LIPC: variants seen among roughly 807,000 people sequenced by gnomAD.
LIPC encodes the protein lipase C, hepatic type, also known as hepatic triacylglycerol lipase.
A neutral mutation model predicts 50.7 loss-of-function variants in LIPC; 44 were observed. The ratio of observed to expected loss-of-function variants is 0.87; its 90% CI spans 0.68 to 1.11. The LOEUF is 1.11. Ranked by LOEUF, LIPC falls within the 50% of genes most tolerant of loss-of-function variation. The pLI is 0.00. For synonymous variants in LIPC, 271 were observed against 256.4 expected, an observed-to-expected ratio of 1.06 and a Z score of -0.54; for missense variants, 697 against 648.2, an observed-to-expected ratio of 1.08 and a Z score of -0.82.
At position 58,561,108 on chromosome 15, in the gene LIPC, C is replaced by G. The variant is rs4774305; in HGVS notation, c.1169+127C>G. On this transcript the variant is annotated intron_variant, in intron 7 of 8. Coordinates refer to ENST00000299022, the MANE Select transcript of LIPC (RefSeq NM_000236.3). The stretch of plus-strand genomic sequence containing the variant: ...CTTTATTCCAGACGCAAACCAAAAA[C>G]TATCTGAGACACATGTCAATCAATT... 0.97 allele frequency: 706,510 copies of G among 730,008 alleles called. 342,491 individuals carry two copies. The highest frequency in any genetic ancestry group is 0.99 in the Middle Eastern group (4,113 of 4,168). The allele number at this position is 730,008 out of a possible 1,614,324, so 45.2% of individuals were successfully genotyped here. A position where few individuals can be genotyped will look rare whatever the true frequency, so the allele number is the denominator to read the frequency against.
chr15:58,490,062 A>C (rs1015583212), intron 1 of LIPC, among the ~76,000 whole-genome samples: 3 of 152,176 alleles, frequency 2.0e-5, no homozygotes, highest in African/African-American at 7.2e-5. Flanking sequence ...TGCAATACTT[A>C]ATTTTGTTTT....
rs55913623 is a variant in LIPC at position 58,561,019 on chromosome 15, C to T, written c.1169+38C>T. The T allele has an allele frequency of 0.97, 926,503 of 954,798 alleles. 450,210 individuals are homozygous for T. The highest frequency in any genetic ancestry group is 0.99 in the Admixed American group (58,467 of 59,192). The allele number at this position is 954,798 out of a possible 1,614,324, so 59.1% of individuals were successfully genotyped here. A position where few individuals can be genotyped will look rare whatever the true frequency, so the allele number is the denominator to read the frequency against. ...TGTAGCCCCCTAGGGTGATGACACA[C>T]TTATTTTTCTTGCAGAACATAAATG... is the stretch of plus-strand genomic sequence containing the variant. On this transcript the variant is annotated intron_variant, in intron 7 of 8. Coordinates refer to ENST00000299022, the MANE Select transcript of LIPC (RefSeq NM_000236.3).
rs143491981 is a variant in LIPC, at chr15:58,456,742, A to G, written c.88+24622A>G. 5.3e-5 allele frequency among the ~76,000 whole-genome samples: 8 copies of G among 152,338 alleles called. No homozygotes were observed. The East Asian group carries it at 1.3e-3, about 26-fold the overall frequency. On this transcript the variant is annotated intron_variant, in intron 1 of 8. Transcript: ENST00000299022. ...GCAAATGTCCCCCGCAACCCATCAC[A>G]TTCATAAAGGCAACAAATTGGGGAA...
intron 7 of LIPC, among the ~76,000 whole-genome samples, chr15:58,562,914 C>T (rs547456306): frequency 1.3e-5 from 2 of 151,994 alleles, no homozygotes; most frequent in South Asian, 4.2e-4. Flanking sequence ...AAGGGCATCT[C>T]GCTGCTCTGT....
At chr15:58,468,765 C>A (rs1302928821) in intron 1 of LIPC, among the ~76,000 whole-genome samples, 1 of 152,184 alleles carries the variant, frequency 6.6e-6, no homozygotes, top group Non-Finnish European at 1.5e-5. Context: ...AACCACAGAA[C>A]TACAGAGCTG....
intron 6 of LIPC, among the ~76,000 whole-genome samples, chr15:58,557,796 G>A (rs1454549532): frequency 6.6e-6 from 1 of 152,136 alleles, no homozygotes; most frequent in African/African-American, 2.4e-5. Context: ...AGTGTTCCTT[G>A]AGAACTCTGG....
chr15:58,459,918 C>T (rs1280863463), intron 1 of LIPC, among the ~76,000 whole-genome samples: 2 of 152,230 alleles, frequency 1.3e-5, no homozygotes, highest in African/African-American at 2.4e-5. Flanking sequence ...GAGATCAGAA[C>T]GGTAGCCAGT....
chr15:58,442,834 A>T (rs1893551576), intron 1 of LIPC, among the ~76,000 whole-genome samples: 1 of 152,148 alleles, frequency 6.6e-6, no homozygotes, highest in Non-Finnish European at 1.5e-5. Context: ...ATTCTCATTG[A>T]TGCCTACTTC....
chr15:58,471,330 G>GGT lies in LIPC; in HGVS notation c.88+39211_88+39212insTG, dbSNP rs1555399319. Among the ~76,000 whole-genome samples, 5 of 118,414 alleles carry GGT rather than the reference G, an allele frequency of 4.2e-5. No homozygotes were observed. The South Asian group carries it at 9.5e-4, about 23-fold the overall frequency. The allele number at this position is 118,414 out of a possible 152,430, so 77.7% of individuals were successfully genotyped here. A position where few individuals can be genotyped will look rare whatever the true frequency, so the allele number is the denominator to read the frequency against. On this transcript the variant is annotated intron_variant, in intron 1 of 8. Transcript: ENST00000299022. ...TTTTTTTGTATTTTTAGTAGAGATG[G>GGT]GGGGGGGTGGTCTCACCATGTTGGC...
chr15:58,501,967 A>G (rs1193240697), intron 1 of LIPC, among the ~76,000 whole-genome samples: 1 of 152,194 alleles, frequency 6.6e-6, no homozygotes, highest in Admixed American at 6.5e-5. Context: ...GTGAAATTCC[A>G]GCTCACCCAC....
chr15:58,555,422 G>T (rs1398982186), intron 6 of LIPC, among the ~76,000 whole-genome samples: 1 of 152,062 alleles, frequency 6.6e-6, no homozygotes, highest in African/African-American at 2.4e-5. Flanking sequence ...TTTTCTTCAG[G>T]GGCTGTTGGC....
intron 1 of LIPC, among the ~76,000 whole-genome samples, chr15:58,464,829 T>C (rs752371030): frequency 6.6e-6 from 1 of 152,162 alleles, no homozygotes; most frequent in Non-Finnish European, 1.5e-5. Flanking sequence ...AAAAGTTAGC[T>C]GGGTGTGGTG....
chr15:58,445,451 C>T (rs1426616832), intron 1 of LIPC, among the ~76,000 whole-genome samples: 1 of 152,232 alleles, frequency 6.6e-6, no homozygotes, highest in African/African-American at 2.4e-5. Flanking sequence ...ATGTGCCTGC[C>T]TCCCTTCCCA....
chr15:58,457,392 G>A (rs1483261276), intron 1 of LIPC, among the ~76,000 whole-genome samples: 2 of 152,228 alleles, frequency 1.3e-5, no homozygotes, highest in African/African-American at 2.4e-5. Context: ...TTACAGGCGT[G>A]AGCCACCGCG....
chr15:58,460,212 G>C (rs1894291115), intron 1 of LIPC, among the ~76,000 whole-genome samples: 1 of 152,188 alleles, frequency 6.6e-6, no homozygotes, highest in Non-Finnish European at 1.5e-5. Context: ...CTGTCTTTAA[G>C]GATGTTTATA....
At chr15:58,489,391 T>C (rs1441745292) in intron 1 of LIPC, among the ~76,000 whole-genome samples, 1 of 152,162 alleles carries the variant, frequency 6.6e-6, no homozygotes, top group African/African-American at 2.4e-5. Context: ...AGACAGTTAT[T>C]ACTCCAATCA....
chr15:58,510,582 A>G (rs1892298149), intron 1 of LIPC, among the ~76,000 whole-genome samples: 1 of 152,266 alleles, frequency 6.6e-6, no homozygotes, highest in Non-Finnish European at 1.5e-5. Flanking sequence ...AGGATTGCCC[A>G]TCAGGCTCTA....
chr15:58,500,861 A>G (rs527712593), intron 1 of LIPC, among the ~76,000 whole-genome samples: 84 of 151,776 alleles, frequency 5.5e-4, no homozygotes, highest in Non-Finnish European at 1.0e-3. Context: ...ATCCAAATCA[A>G]TGACAAAACT....
At chr15:58,460,103 T>C (rs1342997797) in intron 1 of LIPC, among the ~76,000 whole-genome samples, 4 of 152,242 alleles carry the variant, frequency 2.6e-5, no homozygotes, top group African/African-American at 9.6e-5. Context: ...GGCTCTGCTC[T>C]GAAAGTCTTT....
Sources: allele counts gnomAD v4.1 joint callset (sites outside exome capture counted in the v4.1 genomes callset), GRCh38; gene constraint gnomAD v4.1.1; transcripts MANE v1.5; gene names NCBI Gene and HGNC (gene_info 2026-07-23, HGNC 2026-07-21).